The following FRMD4A variants were observed in gnomAD, a reference collection of about 807,000 sequenced individuals.
FRMD4A encodes FERM domain containing 4A.
A neutral mutation model predicts 129.1 loss-of-function variants in FRMD4A; 29 were observed. The ratio of observed to expected loss-of-function variants is 0.22; its 90% confidence interval spans 0.17 to 0.31. The LOEUF (loss-of-function observed/expected upper bound fraction) is 0.31, where lower values mean the gene tolerates loss of function less well. FRMD4A is among the 10% of genes least tolerant of loss of function. The probability of loss-of-function intolerance (pLI) is 1.00; values close to 1 mark genes in which losing one functional copy is unlikely to be tolerated. For missense variants in FRMD4A, 1,272 were observed against 1,375.8 expected (o/e 0.92, Z 1.19); for synonymous variants, 634 against 571.6 (o/e 1.11, Z -1.56).
At chr10:13,683,432 AC>A (rs1160283171) in intron 15 of FRMD4A, among the ~76,000 whole-genome samples, 1 of 151,434 alleles carries the variant, frequency 6.6e-6, no homozygotes, top group Non-Finnish European at 1.5e-5. Context: ...AAAAAAAAAA[AC>A]AAAAAATAAA....
chr10:14,260,478 C>T (rs1490186879), intron 2 of FRMD4A, among the ~76,000 whole-genome samples: 1 of 152,154 alleles, frequency 6.6e-6, no homozygotes, highest in Non-Finnish European at 1.5e-5. Flanking sequence ...CACACACAGA[C>T]CCAATCAAAG....
intron 2 of FRMD4A, among the ~76,000 whole-genome samples, chr10:14,176,440 C>G (rs867569940): frequency 5.4e-5 from 8 of 149,174 alleles, no homozygotes; most frequent in Admixed American, 3.3e-4. Context: ...AATGTCTCCA[C>G]GAGAATCTCA....
intron 2 of FRMD4A, among the ~76,000 whole-genome samples, chr10:14,082,715 A>G (rs911529645): frequency 1.3e-5 from 2 of 152,202 alleles, no homozygotes; most frequent in Non-Finnish European, 2.9e-5. Context: ...TTTGTAGCCC[A>G]TAACGCGGAG....
At chr10:14,076,137 TTGC>T (rs1273758174) in intron 2 of FRMD4A, among the ~76,000 whole-genome samples, 2 of 152,174 alleles carry the variant, frequency 1.3e-5, no homozygotes, top group Non-Finnish European at 2.9e-5. Flanking sequence ...ACCTGTTCAT[TTGC>T]CCAGTGTGTG....
At chr10:13,682,178 T>G (rs926110928) in intron 15 of FRMD4A, among the ~76,000 whole-genome samples, 2 of 152,092 alleles carry the variant, frequency 1.3e-5, no homozygotes, top group Non-Finnish European at 2.9e-5. Context: ...GAGCTGTGAT[T>G]GCGCCACTGC....
At chr10:14,279,039 C>T (rs887192169) in intron 2 of FRMD4A, among the ~76,000 whole-genome samples, 7 of 151,996 alleles carry the variant, frequency 4.6e-5, no homozygotes, top group African/African-American at 1.5e-4. Flanking sequence ...GTGTTGGGGC[C>T]GTTTCAGGGA....
At chr10:13,964,712 A>AT (rs1276245267) in intron 2 of FRMD4A, among the ~76,000 whole-genome samples, 2 of 142,430 alleles carry the variant, frequency 1.4e-5, no homozygotes, top group Admixed American at 7.5e-5. Flanking sequence ...TCGCTCTGTC[A>AT]CCAGGCTGGA....
Position 13,659,482 on chromosome 10 carries a change from T to C in FRMD4A, c.1907A>G (p.Lys636Arg), listed in dbSNP as rs758051382. Residue 636 changes from lysine to arginine, a missense_variant, in exon 21 of 25, where the codon AAG (lysine) becomes AGG (arginine). This residue lies in a region of FRMD4A where 972 missense variants were observed against 892.3 expected (regional missense o/e 1.09). Coordinates refer to ENST00000357447, the MANE Select transcript of FRMD4A (RefSeq NM_018027.5). ...ACAGCTTCCTGTGCTGGGGAAGCGC[T>C]TGTGGCTGCTGCAAAGCCAAGGATG... Reference protein sequence around the residue: ...RSSHSHSSSHKRFPSTGSCAE... With the variant: ...RSSHSHSSSHRRFPSTGSCAE... 6.8e-6 allele frequency: 11 copies of C among 1,612,360 alleles called. No individual in the cohort carries two copies. In the Admixed American group the frequency reaches 8.3e-5, roughly 12 times the overall value.
intron 2 of FRMD4A, among the ~76,000 whole-genome samples, chr10:14,156,454 T>C (rs1345043662): frequency 6.6e-6 from 1 of 152,178 alleles, no homozygotes; most frequent in Non-Finnish European, 1.5e-5. Context: ...CAAAATATAC[T>C]TGCAATATTG....
intron 12 of FRMD4A, among the ~76,000 whole-genome samples, chr10:13,713,796 G>GTAATATATATACACATATATA: frequency 9.0e-6 from 1 of 111,366 alleles, no homozygotes; most frequent in South Asian, 2.7e-4. Flanking sequence ...ATACATATAT[G>GTAATATATATACACATATATA]TAATATATAT....
At chr10:14,081,870 A>C (rs938088577) in intron 2 of FRMD4A, among the ~76,000 whole-genome samples, 22 of 152,240 alleles carry the variant, frequency 1.4e-4, no homozygotes, top group African/African-American at 4.8e-4. Flanking sequence ...ACACTGCCCC[A>C]GACTATTTAA....
At chr10:13,870,136 G>A (rs1033937891) in intron 2 of FRMD4A, among the ~76,000 whole-genome samples, 6 of 152,244 alleles carry the variant, frequency 3.9e-5, no homozygotes, top group African/African-American at 1.4e-4. Flanking sequence ...AGAGGCTAAT[G>A]GGAACAGAGA....
At chr10:14,246,957 G>C (rs1342681029) in intron 2 of FRMD4A, among the ~76,000 whole-genome samples, 1 of 152,096 alleles carries the variant, frequency 6.6e-6, no homozygotes, top group Non-Finnish European at 1.5e-5. Context: ...ACATGGGCAC[G>C]GTTAGAGGGA....
rs549217578 is a variant in FRMD4A, at chr10:14,179,342, T to C, written c.45+150716A>G. Among the ~76,000 whole-genome samples, 3 of 152,306 alleles carry C rather than the reference T, an allele frequency of 2.0e-5. No homozygotes were observed. The East Asian group carries it at 5.8e-4, about 29-fold the overall frequency. On this transcript the variant is annotated intron_variant, in intron 2 of 24. Transcript: ENST00000357447. ...ACCCTCTGTGACCTGCTCACCACTCTTTACTATTTAGAAACATCTTCATCA... is the reference window on the plus strand; with the variant it reads ...ACCCTCTGTGACCTGCTCACCACTCCTTACTATTTAGAAACATCTTCATCA...
intron 12 of FRMD4A, among the ~76,000 whole-genome samples, chr10:13,722,685 A>G (rs529238040): frequency 6.6e-6 from 1 of 152,342 alleles, no homozygotes; most frequent in Admixed American, 6.5e-5. Flanking sequence ...TCTGGCTGAC[A>G]TTTTATGATG....
chr10:14,271,047 G>C (rs1053470175), intron 2 of FRMD4A, among the ~76,000 whole-genome samples: 6 of 152,142 alleles, frequency 3.9e-5, no homozygotes, highest in Non-Finnish European at 8.8e-5. Context: ...GCAAAGGAGA[G>C]CAAGTGTAAC....
intron 2 of FRMD4A, among the ~76,000 whole-genome samples, chr10:14,138,780 A>C (rs1027201921): frequency 4.7e-5 from 7 of 149,598 alleles, no homozygotes; most frequent in African/African-American, 1.7e-4. Context: ...AAAAAGAAAA[A>C]AAGAACAGAA....
chr10:13,856,462 G>A (rs376847601), intron 3 of FRMD4A, among the ~76,000 whole-genome samples: 1 of 152,078 alleles, frequency 6.6e-6, no homozygotes, highest in East Asian at 1.9e-4. Flanking sequence ...GGGGGCTCCA[G>A]GAAGTGATAA....
At chr10:14,183,078 A>G (rs1213395503) in intron 2 of FRMD4A, among the ~76,000 whole-genome samples, 1 of 152,248 alleles carries the variant, frequency 6.6e-6, no homozygotes, top group Non-Finnish European at 1.5e-5. Context: ...GAAAAAGCAT[A>G]GAGCTAGGCA....
Sources: gnomAD v4.1 joint callset for allele counts (sites outside exome capture counted in the v4.1 genomes callset) on GRCh38, gnomAD v4.1.1 for gene constraint, gnomAD v4.1.1 regional missense constraint, MANE v1.5 for transcripts, NCBI Gene and HGNC (gene_info 2026-07-23, HGNC 2026-07-21) for gene names.